Variants in ANKAR observed in about 807,000 individuals in gnomAD.
ANKAR encodes the protein ankyrin and armadillo repeat containing.
ANKAR carries 136 observed loss-of-function variants against 146.2 expected under a neutral mutation model. The observed-to-expected ratio is 0.93, with a 90% CI of 0.81 to 1.07. ANKAR has a LOEUF of 1.07. Among genes scored for constraint, ANKAR ranks in the 50% least tolerant of loss-of-function variants. ANKAR has a pLI of 0.00. For missense variants in ANKAR, 1,567 were observed against 1,679.9 expected, an observed-to-expected ratio of 0.93 and a Z score of 1.18; for synonymous variants, 500 against 575.8, an observed-to-expected ratio of 0.87 and a Z score of 1.88.
intron 20 of ANKAR, among the ~76,000 whole-genome samples, chr2:189,742,829 A>G (rs2043465986): frequency 1.2e-5 from 1 of 84,264 alleles, no homozygotes; most frequent in Non-Finnish European, 3.2e-5. Context: ...CATTAGAATT[A>G]CCTGACACAC....
chr2:189,728,178 C>A, intron 13 of ANKAR, 81 bp downstream of exon 13: 1 of 1,497,864 alleles, frequency 6.7e-7, no homozygotes. Context: ...AAAAACTAAA[C>A]CAATTCTAGA....
At chr2:189,697,198 C>T (rs1158278465) in intron 7 of ANKAR, among the ~76,000 whole-genome samples, 1 of 151,106 alleles carries the variant, frequency 6.6e-6, no homozygotes, top group Admixed American at 6.6e-5. Flanking sequence ...CAAGATGAGC[C>T]CGGGCAGCAT....
intron 20 of ANKAR, among the ~76,000 whole-genome samples, chr2:189,742,185 C>T (rs1234490465): frequency 2.0e-5 from 3 of 152,150 alleles, no homozygotes; most frequent in African/African-American, 7.2e-5. Context: ...GGCCCCATTC[C>T]TAGAGTTTCT....
chr2:189,709,952 A>T (rs1335792063), intron 9 of ANKAR, among the ~76,000 whole-genome samples: 1 of 152,192 alleles, frequency 6.6e-6, no homozygotes, highest in Non-Finnish European at 1.5e-5. Context: ...TTGTGGGGGA[A>T]GTCCTGACAA....
downstream of ANKAR, chr2:189,761,805 T>A: frequency 1.3e-6 from 1 of 762,992 alleles, no homozygotes; most frequent in Non-Finnish European, 1.9e-6. Flanking sequence ...GGAATATAAA[T>A]AATATTATGA....
At position 189,696,016 on chromosome 2, in the gene ANKAR, C is replaced by T. The variant is rs369156676; in HGVS notation, c.1489-134C>T. On this transcript the variant is annotated intron_variant, in intron 6 of 22. Transcript: ENST00000684021. Reference sequence around the variant, plus strand: ...ATTATCCAGTAAGAAACTTTCCATGCATGGATCTTGTGAAAATTCTACTTA... The same window carrying T: ...ATTATCCAGTAAGAAACTTTCCATGTATGGATCTTGTGAAAATTCTACTTA... The T allele has an allele frequency of 9.3e-5, 65 of 697,364 alleles. No individual in the cohort carries two copies. In the African/African-American group the frequency reaches 1.1e-3, roughly 11 times the overall value. The allele number at this position is 697,364 out of a possible 1,614,324, so 43.2% of individuals were successfully genotyped here.
chr2:189,710,173 G>A (rs765851487), intron 9 of ANKAR, among the ~76,000 whole-genome samples: 3 of 152,234 alleles, frequency 2.0e-5, no homozygotes, highest in Admixed American at 6.5e-5. Context: ...ATTCAGGACA[G>A]ATTTGGTAAT....
chr2:189,709,353 T>C (rs2039390784), intron 9 of ANKAR, among the ~76,000 whole-genome samples: 1 of 152,104 alleles, frequency 6.6e-6, no homozygotes, highest in African/African-American at 2.4e-5. Context: ...TGTATATAAA[T>C]ATGTAGAAAT....
intron 10 of ANKAR, among the ~76,000 whole-genome samples, chr2:189,716,812 C>A (rs1368805289): frequency 6.6e-6 from 1 of 151,636 alleles, no homozygotes; most frequent in Non-Finnish European, 1.5e-5. Context: ...TGATCTTTGA[C>A]AAACCTGACA....
At chr2:189,710,659 A>C (rs2039564841) in intron 9 of ANKAR, among the ~76,000 whole-genome samples, 1 of 152,158 alleles carries the variant, frequency 6.6e-6, no homozygotes, top group Non-Finnish European at 1.5e-5. Flanking sequence ...AAAATTAGCC[A>C]GGTGTGGTGG....
At chr2:189,732,953 C>T (rs1163469413) in intron 16 of ANKAR, among the ~76,000 whole-genome samples, 154 bp from the exon 17 acceptor site, 1 of 152,088 alleles carries the variant, frequency 6.6e-6, no homozygotes, top group African/African-American at 2.4e-5. Flanking sequence ...AAGTGCAGTT[C>T]TTTCGCTAGT....
intron 4 of ANKAR, 75 bp downstream of exon 4, chr2:189,692,493 C>T: frequency 1.5e-6 from 2 of 1,373,390 alleles, no homozygotes; most frequent in Middle Eastern, 3.7e-4. Context: ...AAAAGAGCCT[C>T]TGTTGGTACA....
intron 20 of ANKAR, 120 bp from the exon 21 acceptor site, chr2:189,743,155 A>G: frequency 1.1e-6 from 1 of 881,630 alleles, no homozygotes. Context: ...GTTTGCATAC[A>G]TATTTGCTTA....
chr2:189,742,982 C>A (rs1484387291), intron 20 of ANKAR, among the ~76,000 whole-genome samples: 7 of 120,860 alleles, frequency 5.8e-5, no homozygotes, highest in African/African-American at 1.3e-4. Context: ...ACACACACAC[C>A]CCTGAAAGGA....
intron 1 of ANKAR, among the ~76,000 whole-genome samples, chr2:189,675,545 T>C (rs2033457281): frequency 6.6e-6 from 1 of 152,080 alleles, no homozygotes. Context: ...ACGGAGTTTC[T>C]CCATGTTTGT....
intron 20 of ANKAR, among the ~76,000 whole-genome samples, 170 bp from the exon 21 acceptor site, chr2:189,743,105 A>C (rs141930908): frequency 1.7e-3 from 265 of 152,248 alleles, no homozygotes; most frequent in East Asian, 9.8e-3. Flanking sequence ...GCTCTCTGTA[A>C]AAATATGGCA....
intron 3 of ANKAR, 140 bp from the exon 4 acceptor site, chr2:189,692,115 T>G: frequency 1.5e-6 from 1 of 655,938 alleles, no homozygotes; most frequent in Admixed American, 3.5e-5. Flanking sequence ...ATAAATAATT[T>G]TATGCACTAT....
chr2:189,704,544 CATATATATATATATATATATATATAT>C (rs10578902), intron 7 of ANKAR, among the ~76,000 whole-genome samples: 497 of 36,474 alleles, frequency 0.014, 9 homozygotes, highest in Middle Eastern at 0.042. Flanking sequence ...CCTTTGTTAA[CATATATATATATATATATATATATAT>C]ATATATATAT....
At chr2:189,708,668 A>AT (rs1282965579) in intron 9 of ANKAR, among the ~76,000 whole-genome samples, 1 of 152,188 alleles carries the variant, frequency 6.6e-6, no homozygotes, top group East Asian at 1.9e-4. Flanking sequence ...TTACAAATGC[A>AT]TTTTCAATTT....
Sources: gnomAD v4.1 joint callset for allele counts (sites outside exome capture counted in the v4.1 genomes callset) on GRCh38, gnomAD v4.1.1 for gene constraint, MANE v1.5 for transcripts, NCBI Gene and HGNC (gene_info 2026-07-23, HGNC 2026-07-21) for gene names.